The following HPSE2 variants were observed in gnomAD, a reference collection of about 807,000 sequenced individuals.
The protein encoded by HPSE2 is heparanase 2 (inactive).
In HPSE2, 38 loss-of-function variants were observed where a neutral mutation model predicts 60.5. The observed-to-expected ratio is 0.63, with a 90% CI of 0.48 to 0.82. The LOEUF (loss-of-function observed/expected upper bound fraction) is 0.82, where lower values mean the gene tolerates loss of function less well. Among genes scored for constraint, HPSE2 ranks in the 40% least tolerant of loss-of-function variants. The pLI is 0.00. For synonymous variants in HPSE2, 295 were observed against 293.2 expected, an observed-to-expected ratio of 1.01 and a Z score of -0.06; for missense variants, 713 against 740.4, an observed-to-expected ratio of 0.96 and a Z score of 0.43.
chr10:98,588,675 C>A (rs1267518077), intron 9 of HPSE2, among the ~76,000 whole-genome samples: 1 of 151,936 alleles, frequency 6.6e-6, no homozygotes, highest in Non-Finnish European at 1.5e-5. Context: ...ACAGCAGGCA[C>A]CGAGACAAAG....
chr10:98,933,079 T>C (rs1228153226), intron 3 of HPSE2, among the ~76,000 whole-genome samples: 1 of 144,152 alleles, frequency 6.9e-6, no homozygotes, highest in Non-Finnish European at 1.5e-5. Context: ...GAGATCTTTC[T>C]AGCTTTTTGA....
intron 3 of HPSE2, among the ~76,000 whole-genome samples, chr10:99,076,041 A>G (rs2135559478): frequency 6.6e-6 from 1 of 152,162 alleles, no homozygotes; most frequent in East Asian, 1.9e-4. Context: ...ATAGGAAAGG[A>G]CCATTTTTTT....
intron 9 of HPSE2, among the ~76,000 whole-genome samples, chr10:98,555,056 T>C (rs907220596): frequency 6.6e-6 from 1 of 152,220 alleles, no homozygotes; most frequent in Non-Finnish European, 1.5e-5. Context: ...AATAAAAATC[T>C]ATGTGCCATT....
chr10:98,495,409 T>C (rs1941800818), intron 9 of HPSE2, among the ~76,000 whole-genome samples: 1 of 152,192 alleles, frequency 6.6e-6, no homozygotes, highest in Admixed American at 6.5e-5. Context: ...TGGATGTTTA[T>C]GTGCATGTTC....
At chr10:98,576,883 T>C (rs1944655675) in intron 9 of HPSE2, among the ~76,000 whole-genome samples, 1 of 152,046 alleles carries the variant, frequency 6.6e-6, no homozygotes, top group African/African-American at 2.4e-5. Context: ...ACCACAGTAA[T>C]ATATTCACAT....
chr10:99,051,345 A>G (rs1336996399), intron 3 of HPSE2, among the ~76,000 whole-genome samples: 1 of 152,148 alleles, frequency 6.6e-6, no homozygotes, highest in Non-Finnish European at 1.5e-5. Context: ...AATATTCTCC[A>G]TTTTTCCCAT....
intron 3 of HPSE2, among the ~76,000 whole-genome samples, chr10:98,752,552 T>G (rs1224668500): frequency 6.6e-6 from 1 of 152,174 alleles, no homozygotes; most frequent in Non-Finnish European, 1.5e-5. Flanking sequence ...ATAATTTGGC[T>G]GGGATTGCAG....
chr10:98,883,767 G>C (rs1238179067), intron 3 of HPSE2, among the ~76,000 whole-genome samples: 1 of 152,074 alleles, frequency 6.6e-6, no homozygotes, highest in African/African-American at 2.4e-5. Flanking sequence ...TTGCACCACT[G>C]CACTCTAGCC....
Position 98,581,504 on chromosome 10 carries a change from T to A in HPSE2, c.1320+33400A>T, listed in dbSNP as rs191221771. On this transcript the variant is annotated intron_variant, in intron 9 of 11. Coordinates refer to ENST00000370552, the MANE Select transcript of HPSE2 (RefSeq NM_021828.5). Reference sequence around the variant, plus strand: ...ATTTAGATTTAAATAATATATATATTTTTACTATTAGTTAACATATTTGAA... The same window carrying A: ...ATTTAGATTTAAATAATATATATATATTTACTATTAGTTAACATATTTGAA... Among the ~76,000 whole-genome samples, 669 of 152,192 alleles carry A rather than the reference T, an allele frequency of 4.4e-3. 2 individuals carry two copies. Among genetic ancestry groups the A allele is most frequent in the South Asian group, 0.015 (72 of 4,814 alleles).
chr10:98,522,807 T>G (rs1349501007), intron 9 of HPSE2, among the ~76,000 whole-genome samples: 1 of 152,164 alleles, frequency 6.6e-6, no homozygotes, highest in Non-Finnish European at 1.5e-5. Flanking sequence ...AAGGAGGAGA[T>G]GGACACAGTG....
At chr10:98,985,220 A>C (rs201121676) in intron 3 of HPSE2, among the ~76,000 whole-genome samples, 1 of 152,096 alleles carries the variant, frequency 6.6e-6, no homozygotes, top group Non-Finnish European at 1.5e-5. Flanking sequence ...TGAAGGAAAA[A>C]ATGTTAAGGG....
intron 3 of HPSE2, among the ~76,000 whole-genome samples, chr10:98,967,556 T>C (rs1955844860): frequency 6.6e-6 from 1 of 152,132 alleles, no homozygotes; most frequent in Admixed American, 6.6e-5. Context: ...AATAGACATT[T>C]CCCTGTTTAA....
chr10:98,625,608 T>C (rs1946185810), intron 7 of HPSE2, among the ~76,000 whole-genome samples: 1 of 152,206 alleles, frequency 6.6e-6, no homozygotes. Flanking sequence ...CTTAAAGTCA[T>C]CAATAGGTCC....
intron 3 of HPSE2, among the ~76,000 whole-genome samples, chr10:99,132,142 A>AAAGG (rs1564832296): frequency 6.3e-5 from 2 of 31,960 alleles, no homozygotes; most frequent in East Asian, 1.4e-3. Context: ...GGAAAGAAAG[A>AAAGG]AAGGAAGAAA....
chr10:98,725,782 C>A (rs1210358019), intron 4 of HPSE2, among the ~76,000 whole-genome samples: 1 of 152,008 alleles, frequency 6.6e-6, no homozygotes, highest in Non-Finnish European at 1.5e-5. Context: ...TGAACTCAAA[C>A]AAATTTGCAA....
intron 3 of HPSE2, among the ~76,000 whole-genome samples, chr10:99,051,962 T>G (rs1391003065): frequency 1.4e-5 from 2 of 145,022 alleles, no homozygotes; most frequent in African/African-American, 5.1e-5. Context: ...AAAAAAAAAA[T>G]CACTCTTTAG....
chr10:98,965,858 G>C (rs926863479), intron 3 of HPSE2, among the ~76,000 whole-genome samples: 1 of 151,690 alleles, frequency 6.6e-6, no homozygotes, highest in African/African-American at 2.4e-5. Flanking sequence ...TGTATGCCCT[G>C]TTCATTCATT....
chr10:99,149,318 A>G (rs933679134), intron 2 of HPSE2, among the ~76,000 whole-genome samples: 1 of 152,194 alleles, frequency 6.6e-6, no homozygotes, highest in African/African-American at 2.4e-5. Flanking sequence ...GGCATAATGA[A>G]GTAATTTCAA....
At chr10:99,035,614 C>T (rs1423439681) in intron 3 of HPSE2, among the ~76,000 whole-genome samples, 1 of 152,146 alleles carries the variant, frequency 6.6e-6, no homozygotes, top group African/African-American at 2.4e-5. Flanking sequence ...GTTTTATGTG[C>T]TAGCTATACT....
Sources: allele counts gnomAD v4.1 joint callset (sites outside exome capture counted in the v4.1 genomes callset), GRCh38; gene constraint gnomAD v4.1.1; transcripts MANE v1.5; gene names NCBI Gene and HGNC (gene_info 2026-07-23, HGNC 2026-07-21).